The following CSMD1 variants were observed in gnomAD, a reference collection of about 807,000 sequenced individuals.
CSMD1 encodes the protein CUB and sushi domain-containing protein 1.
A neutral mutation model predicts 417.5 loss-of-function variants in CSMD1; 213 were observed. The ratio of observed to expected loss-of-function variants is 0.51; its 90% CI spans 0.46 to 0.57. CSMD1 has a LOEUF of 0.57. Ranked by LOEUF, CSMD1 falls within the 20% of genes least tolerant of loss-of-function variation. CSMD1 has a pLI of 0.00. For missense variants in CSMD1, 6,923 were observed against 4,529.7 expected (o/e 1.53, Z -15.17); for synonymous variants, 2,862 against 1,736.8 (o/e 1.65, Z -16.11).
intron 5 of CSMD1, among the ~76,000 whole-genome samples, chr8:3,780,449 C>G (rs1027913671): frequency 6.6e-6 from 1 of 152,200 alleles, no homozygotes; most frequent in Non-Finnish European, 1.5e-5. Flanking sequence ...GTGGATTTCA[C>G]AACTTTAATG....
At chr8:2,973,425 C>G in intron 56 of CSMD1, 126 bp from the exon 57 acceptor site, 1 of 888,594 alleles carries the variant, frequency 1.1e-6, no homozygotes, top group Non-Finnish European at 1.7e-6. Context: ...GGTTACACAA[C>G]ATTCTGCAAT....
chr8:4,392,040 T>G (rs1821881), intron 3 of CSMD1, among the ~76,000 whole-genome samples: 1 of 152,154 alleles, frequency 6.6e-6, no homozygotes. Flanking sequence ...CCCAGGGTTT[T>G]GGGGGCAATG....
At chr8:4,864,264 T>C (rs1802299000) in intron 1 of CSMD1, among the ~76,000 whole-genome samples, 1 of 151,732 alleles carries the variant, frequency 6.6e-6, no homozygotes, top group Non-Finnish European at 1.5e-5. Context: ...GAGAAATACA[T>C]ACCTACACAC....
intron 18 of CSMD1, among the ~76,000 whole-genome samples, chr8:3,370,215 C>A (rs1196243673): frequency 6.6e-6 from 1 of 152,300 alleles, no homozygotes; most frequent in Non-Finnish European, 1.5e-5. Context: ...CACGTTCCCG[C>A]CAACTTTCTT....
intron 1 of CSMD1, among the ~76,000 whole-genome samples, chr8:4,838,167 G>C (rs1036104812): frequency 2.6e-5 from 4 of 152,138 alleles, no homozygotes; most frequent in African/African-American, 9.7e-5. Context: ...GCTACTTGTG[G>C]AAGTTAGCTT....
At chr8:3,332,446 C>T (rs935187470) in intron 23 of CSMD1, among the ~76,000 whole-genome samples, 10 of 152,316 alleles carry the variant, frequency 6.6e-5, no homozygotes, top group African/African-American at 2.4e-4. Context: ...GGAAGGCCAA[C>T]CGGAGCTGCA....
intron 3 of CSMD1, among the ~76,000 whole-genome samples, chr8:4,118,741 G>A (rs918834971): frequency 3.3e-5 from 5 of 152,094 alleles, no homozygotes; most frequent in South Asian, 2.1e-4. Context: ...CCCATTACTG[G>A]GTATATGCCC....
chr8:4,524,347 C>T (rs1526340), intron 2 of CSMD1, among the ~76,000 whole-genome samples: 16 of 152,094 alleles, frequency 1.1e-4, no homozygotes, highest in Admixed American at 5.9e-4. Context: ...GCAAGAAAAA[C>T]GCAATAGAAA....
chr8:4,685,585 A>G (rs1034925035), intron 1 of CSMD1, among the ~76,000 whole-genome samples: 1 of 151,966 alleles, frequency 6.6e-6, no homozygotes, highest in African/African-American at 2.4e-5. Context: ...TTAAAAGAAA[A>G]AAAGAAAGAA....
intron 1 of CSMD1, among the ~76,000 whole-genome samples, chr8:4,813,880 G>C (rs1029700077): frequency 6.6e-6 from 1 of 152,164 alleles, no homozygotes; most frequent in African/African-American, 2.4e-5. Flanking sequence ...TTTTCCATTA[G>C]AGAATATTTA....
chr8:4,052,483 G>T (rs540175790), intron 3 of CSMD1, among the ~76,000 whole-genome samples: 2 of 152,104 alleles, frequency 1.3e-5, no homozygotes, highest in Non-Finnish European at 2.9e-5. Context: ...TCTTTACCCA[G>T]GGTCAGAGTG....
intron 30 of CSMD1, among the ~76,000 whole-genome samples, chr8:3,206,908 T>G (rs1797325360): frequency 1.3e-5 from 2 of 152,130 alleles, no homozygotes; most frequent in Non-Finnish European, 2.9e-5. Context: ...ATTATATTTC[T>G]ACATGAGAAG....
At position 4,024,794 on chromosome 8, in the gene CSMD1, G is replaced by C. The variant is rs992278874; in HGVS notation, c.610+7111C>G. On this transcript the variant is annotated intron_variant, in intron 4 of 69. Coordinates refer to ENST00000635120, the MANE Select transcript of CSMD1 (RefSeq NM_033225.6). ...AAACATACGTAGTTTATGACAGCTTGTGACTGGGAACTTCCTGAGTATGAC... is the reference window on the plus strand; with the variant it reads ...AAACATACGTAGTTTATGACAGCTTCTGACTGGGAACTTCCTGAGTATGAC... Among the ~76,000 whole-genome samples, 47 of 152,304 alleles carry C rather than the reference G, an allele frequency of 3.1e-4. 1 individual carries two copies. The highest frequency in any genetic ancestry group is 1.1e-3 in the African/African-American group (47 of 41,548).
rs948911849 is a variant in CSMD1 at position 3,507,372 on chromosome 8, T to C, written c.1345-13646A>G. Among the ~76,000 whole-genome samples the C allele has an allele frequency of 2.6e-4, 39 of 152,338 alleles. 1 individual carries two copies. The highest frequency in any genetic ancestry group is 8.4e-4 in the African/African-American group (35 of 41,572). ...TGGCAGCACAGTATTACATGATGTATTTGTGCCACATTTTCCTAATCCAGT... is the reference window on the plus strand; with the variant it reads ...TGGCAGCACAGTATTACATGATGTACTTGTGCCACATTTTCCTAATCCAGT... On this transcript the variant is annotated intron_variant, in intron 10 of 69. Coordinates refer to ENST00000635120, the MANE Select transcript of CSMD1 (RefSeq NM_033225.6).
intron 5 of CSMD1, among the ~76,000 whole-genome samples, chr8:3,964,999 T>C (rs1354427600): frequency 6.6e-6 from 1 of 152,324 alleles, no homozygotes; most frequent in East Asian, 1.9e-4. Context: ...GGCCACGGTT[T>C]TTTCTGTGTA....
intron 1 of CSMD1, among the ~76,000 whole-genome samples, chr8:4,893,941 T>C (rs1470314334): frequency 6.6e-6 from 1 of 152,168 alleles, no homozygotes; most frequent in Non-Finnish European, 1.5e-5. Context: ...GGTTTAAATG[T>C]TGTAAAGCTT....
intron 49 of CSMD1, among the ~76,000 whole-genome samples, chr8:3,056,995 C>T (rs1812274953): frequency 6.6e-6 from 1 of 152,000 alleles, no homozygotes; most frequent in African/African-American, 2.4e-5. Flanking sequence ...CAAGAAATAA[C>T]AGTTAATTTT....
At chr8:3,779,656 C>T (rs912198217) in intron 5 of CSMD1, among the ~76,000 whole-genome samples, 2 of 152,088 alleles carry the variant, frequency 1.3e-5, no homozygotes, top group Non-Finnish European at 2.9e-5. Context: ...TACATTTATG[C>T]AATGATATGA....
In CSMD1 at chr8:4,252,173, G is replaced by A. The variant is rs536951211; in HGVS notation, c.415+167780C>T. On this transcript the variant is annotated intron_variant, in intron 3 of 69. Coordinates refer to ENST00000635120, the MANE Select transcript of CSMD1 (RefSeq NM_033225.6). Reference sequence around the variant, plus strand: ...TTCTTTCAGGATATATAGAAAGCTGGGGTGGGGAGATGGATAAAAAAGCTT... The same window carrying A: ...TTCTTTCAGGATATATAGAAAGCTGAGGTGGGGAGATGGATAAAAAAGCTT... 2.0e-5 allele frequency among the ~76,000 whole-genome samples: 3 copies of A among 152,140 alleles called. No individual in the cohort carries two copies. In the South Asian group the frequency reaches 6.2e-4, roughly 32 times the overall value.
Sources: gnomAD v4.1 joint callset for allele counts (sites outside exome capture counted in the v4.1 genomes callset) on GRCh38, gnomAD v4.1.1 for gene constraint, MANE v1.5 for transcripts, NCBI Gene and HGNC (gene_info 2026-07-23, HGNC 2026-07-21) for gene names.